The following HMCN2 variants were observed in gnomAD, a reference collection of about 807,000 sequenced individuals.
The protein encoded by HMCN2 is hemicentin-2.
A neutral mutation model predicts 377.5 loss-of-function variants in HMCN2; 325 were observed. The observed-to-expected ratio is 0.86, with a 90% CI of 0.79 to 0.94. HMCN2 has a LOEUF of 0.94. HMCN2 is among the 40% of genes least tolerant of loss of function. The pLI, the probability that HMCN2 is intolerant of heterozygous loss-of-function variation, is 0.00. For synonymous variants in HMCN2, 2,007 were observed against 2,046.8 expected (o/e 0.98, Z 0.53); for missense variants, 4,543 against 4,725.3 (o/e 0.96, Z 1.13).
At chr9:130,283,318 G>A (rs1398816814) in intron 1 of HMCN2, among the ~76,000 whole-genome samples, 2 of 151,762 alleles carry the variant, frequency 1.3e-5, no homozygotes, top group South Asian at 2.1e-4. Context: ...TACAACATAA[G>A]TAGAAGATAA....
intron 4 of HMCN2, among the ~76,000 whole-genome samples, chr9:130,288,762 T>C (rs1835560697): frequency 6.6e-6 from 1 of 152,136 alleles, no homozygotes; most frequent in Non-Finnish European, 1.5e-5. Context: ...CTTTGGAGCA[T>C]TTCACTTTTT....
At chr9:130,334,707 T>C (rs1460739955) in intron 22 of HMCN2, among the ~76,000 whole-genome samples, 48,187 of 136,076 alleles carry the variant, frequency 0.35, 9,957 homozygotes, top group Non-Finnish European at 0.49. Context: ...CTTTCTTTCT[T>C]TCTCTCTCTC....
At chr9:130,286,481 G>A (rs782266953) in intron 4 of HMCN2, among the ~76,000 whole-genome samples, 171 bp downstream of exon 4, 9 of 152,216 alleles carry the variant, frequency 5.9e-5, no homozygotes, top group Admixed American at 1.3e-4. Context: ...CACAGGACGC[G>A]CTGTGCTCAG....
intron 22 of HMCN2, among the ~76,000 whole-genome samples, chr9:130,331,259 G>A (rs1320897993): frequency 6.6e-6 from 1 of 152,024 alleles, no homozygotes; most frequent in African/African-American, 2.4e-5. Flanking sequence ...CAGCTCTCGC[G>A]GTCATAAATG....
At chr9:130,344,882 G>A (rs1029901967) in intron 25 of HMCN2, among the ~76,000 whole-genome samples, 1 of 140,218 alleles carries the variant, frequency 7.1e-6, no homozygotes, top group South Asian at 2.4e-4. Flanking sequence ...GTGTGTGTAT[G>A]GTGTTTGGTG....
intron 1 of HMCN2, among the ~76,000 whole-genome samples, chr9:130,278,243 G>A (rs1044150598): frequency 2.0e-5 from 3 of 152,128 alleles, no homozygotes; most frequent in African/African-American, 7.2e-5. Flanking sequence ...TCCTGCCTCA[G>A]CCTCCCGAGT....
At chr9:130,418,488 A>T (rs1456879465) in intron 85 of HMCN2, among the ~76,000 whole-genome samples, 1 of 152,178 alleles carries the variant, frequency 6.6e-6, no homozygotes, top group African/African-American at 2.4e-5. Flanking sequence ...CAGAGATTGC[A>T]GTGAGCTGAG....
Position 130,304,920 on chromosome 9 carries a change from C to T in HMCN2, c.1734C>T (p.Ile578=). The change falls in exon 11 of 98, where the codon ATC becomes ATT. Residue 578 remains isoleucine, a synonymous_variant. Coordinates refer to ENST00000683500, the MANE Select transcript of HMCN2 (RefSeq NM_001291815.2). This position sits in a 1 kb window ranked among gnomAD's most constrained non-coding sequence, Gnocchi z 4.3. ...TGTCCCTGGAGATCAGTGGCATCAT[C>T]CCCACAGACGGCGGGAGGTACCAGT... ...ADLSLEISGI[I]PTDGGRYQCV... is the part of the protein sequence containing the mutation. The T allele has an allele frequency of 2.1e-6, 1 of 471,170 alleles. No individual in the cohort carries two copies. The highest frequency in any genetic ancestry group is 4.4e-6 in the Non-Finnish European group (1 of 227,058). 29.2% of individuals were successfully genotyped at this position (471,170 alleles called of 1,614,324 possible).
chr9:130,322,803 T>G (rs1837926751), intron 19 of HMCN2, among the ~76,000 whole-genome samples: 1 of 152,256 alleles, frequency 6.6e-6, no homozygotes, highest in South Asian at 2.1e-4. Context: ...TTCACCCAAC[T>G]GGAACCACTG....
chr9:130,431,222 C>T, intron 95 of HMCN2, 145 bp from the exon 96 acceptor site: 1 of 823,216 alleles, frequency 1.2e-6, no homozygotes, highest in Non-Finnish European at 1.9e-6. Flanking sequence ...AACCCCTGAA[C>T]CTGGGCTGGG....
chr9:130,322,434 G>T (rs944031874), intron 19 of HMCN2, among the ~76,000 whole-genome samples: 2 of 151,512 alleles, frequency 1.3e-5, no homozygotes, highest in Non-Finnish European at 2.9e-5. Flanking sequence ...AACCAAATAG[G>T]ATCACATGCT....
At chr9:130,307,731 C>A (rs1183470187) in intron 14 of HMCN2, among the ~76,000 whole-genome samples, 165 bp downstream of exon 14, 7 of 152,202 alleles carry the variant, frequency 4.6e-5, no homozygotes, top group South Asian at 4.2e-4. Context: ...CCAGCTCCCC[C>A]ACCCTCACCC....
intron 8 of HMCN2, among the ~76,000 whole-genome samples, chr9:130,301,104 TC>T (rs1554934250): frequency 6.6e-6 from 1 of 152,230 alleles, no homozygotes; most frequent in Non-Finnish European, 1.5e-5. Flanking sequence ...ACGGTGCCCA[TC>T]GTGCCTACAG....
At chr9:130,315,644 A>G (rs1254346210) in intron 15 of HMCN2, among the ~76,000 whole-genome samples, 3 of 151,522 alleles carry the variant, frequency 2.0e-5, no homozygotes, top group Non-Finnish European at 4.4e-5. Context: ...TGGTCAGCTC[A>G]GGTTGCCATG....
intron 1 of HMCN2, among the ~76,000 whole-genome samples, chr9:130,266,940 C>T (rs1198315763): frequency 7.6e-6 from 1 of 132,082 alleles, no homozygotes; most frequent in Non-Finnish European, 1.6e-5. Context: ...AGCAGGACTG[C>T]TTTCCACACT....
chr9:130,389,711 A>T (rs1173878074), intron 62 of HMCN2, among the ~76,000 whole-genome samples: 2 of 151,740 alleles, frequency 1.3e-5, no homozygotes, highest in African/African-American at 4.8e-5. Context: ...AGTAGCTGGG[A>T]TTACAGGCTC....
Position 130,427,387 on chromosome 9 carries a change from C to A in HMCN2, c.13942+12C>A, listed in dbSNP as rs569500607. On this transcript the variant is annotated intron_variant, in intron 91 of 97. Transcript: ENST00000683500. ...AGCGTTTTGTGTGGGTGAGCGCCCC[C>A]AACCCTGGCATGGATGTGGGAGGCC... 3.2e-6 allele frequency: 5 copies of A among 1,550,522 alleles called. No individual in the cohort carries two copies. In the South Asian group the frequency reaches 5.9e-5, roughly 18 times the overall value.
At chr9:130,405,537 C>T (rs1323646013) in intron 81 of HMCN2, among the ~76,000 whole-genome samples, 30 of 151,786 alleles carry the variant, frequency 2.0e-4, no homozygotes, top group Admixed American at 2.0e-3. Flanking sequence ...AGGCATTGGA[C>T]CCGGCCACCC....
At chr9:130,299,833 A>T (rs568139556) in intron 8 of HMCN2, among the ~76,000 whole-genome samples, 21 of 149,234 alleles carry the variant, frequency 1.4e-4, no homozygotes, top group Admixed American at 8.7e-4. Flanking sequence ...TCACCTATTC[A>T]TCCATCCACC....
Sources: allele counts gnomAD v4.1 joint callset (sites outside exome capture counted in the v4.1 genomes callset), GRCh38; gene constraint gnomAD v4.1.1; non-coding constraint Gnocchi (gnomAD v3.1); transcripts MANE v1.5; gene names NCBI Gene and HGNC (gene_info 2026-07-23, HGNC 2026-07-21).